SPATA9: variants seen among roughly 807,000 people sequenced by gnomAD.
SPATA9 encodes the protein spermatogenesis associated 9.
Under a neutral mutation model 25.5 loss-of-function variants are expected in SPATA9, and 27 were observed. The observed-to-expected ratio is 1.06, with a 90% CI of 0.78 to 1.46. SPATA9 has a LOEUF of 1.46. Among genes scored for constraint, SPATA9 ranks in the 40% most tolerant of loss-of-function variants. The pLI is 0.00. For synonymous variants in SPATA9, 102 were observed against 105.7 expected, an observed-to-expected ratio of 0.97 and a Z score of 0.21; for missense variants, 282 against 297.5, an observed-to-expected ratio of 0.95 and a Z score of 0.38.
downstream of SPATA9, chr5:95,652,677 G>A: frequency 4.1e-6 from 1 of 242,990 alleles, no homozygotes; most frequent in Non-Finnish European, 7.9e-6. Flanking sequence ...TACCTTTTTA[G>A]TAACATGGAG....
intron 1 of SPATA9, among the ~76,000 whole-genome samples, chr5:95,695,297 T>C (rs1372397478): frequency 6.6e-6 from 1 of 152,208 alleles, no homozygotes; most frequent in African/African-American, 2.4e-5. Context: ...TCAAACTTTT[T>C]AGTCTTAAAA....
downstream of SPATA9, chr5:95,652,285 T>G (rs1750384996): frequency 1.3e-6 from 2 of 1,550,572 alleles, no homozygotes; most frequent in Admixed American, 2.0e-5. Flanking sequence ...TTGAAGTGTT[T>G]CAGGAATTGT....
the SPATA9 span, among the ~76,000 whole-genome samples, chr5:95,729,853 C>T: frequency 6.6e-6 from 1 of 152,188 alleles, no homozygotes; most frequent in Non-Finnish European, 1.5e-5. Flanking sequence ...GAATTTTCTT[C>T]TTTTTTAAAC....
chr5:95,714,969 C>T, the SPATA9 span, among the ~76,000 whole-genome samples: 1 of 152,136 alleles, frequency 6.6e-6, no homozygotes, highest in Non-Finnish European at 1.5e-5. Context: ...AGACTTAATG[C>T]AATCCCAATT....
chr5:95,701,540 A>G (rs1360607335), upstream of SPATA9, among the ~76,000 whole-genome samples: 4 of 152,054 alleles, frequency 2.6e-5, no homozygotes, highest in Non-Finnish European at 1.5e-5. Flanking sequence ...ACTCACTTAA[A>G]TCCAAATCTG....
At chr5:95,654,037 C>T, downstream of SPATA9, 1 of 1,597,954 alleles carries the variant, frequency 6.3e-7, no homozygotes, top group South Asian at 1.1e-5. Context: ...CTTCTTGTAA[C>T]TTTCCTTCTT....
the SPATA9 span, among the ~76,000 whole-genome samples, chr5:95,710,347 T>C: frequency 2.0e-5 from 3 of 152,232 alleles, no homozygotes; most frequent in African/African-American, 7.2e-5. Context: ...AACAGTAAAC[T>C]GATACTGCAG....
intron 2 of SPATA9, among the ~76,000 whole-genome samples, chr5:95,677,422 G>A (rs972055093): frequency 5.3e-5 from 8 of 152,136 alleles, no homozygotes; most frequent in Non-Finnish European, 1.5e-5. Context: ...AAACCACACA[G>A]AAAGTTTTCA....
At chr5:95,723,323 C>G in the SPATA9 span, among the ~76,000 whole-genome samples, 1 of 152,264 alleles carries the variant, frequency 6.6e-6, no homozygotes, top group Non-Finnish European at 1.5e-5. Context: ...ACTCTAGATT[C>G]TCACTTGGAC....
chr5:95,662,489 G>C (rs193185882), intron 4 of SPATA9, among the ~76,000 whole-genome samples: 1 of 152,026 alleles, frequency 6.6e-6, no homozygotes, highest in Non-Finnish European at 1.5e-5. Context: ...TGGGCTCAAG[G>C]TATCCTCCTG....
chr5:95,656,305 C>T, downstream of SPATA9: 2 of 1,599,818 alleles, frequency 1.3e-6, no homozygotes. Flanking sequence ...AAGAGTTCTT[C>T]CTGATAAAAA....
At chr5:95,661,476 C>T (rs539342523) in intron 4 of SPATA9, among the ~76,000 whole-genome samples, 1 of 152,202 alleles carries the variant, frequency 6.6e-6, no homozygotes, top group African/African-American at 2.4e-5. Context: ...TTATAAAGTT[C>T]ATGGCGTGAT....
At chr5:95,703,106 A>C (rs1226014072), upstream of SPATA9, among the ~76,000 whole-genome samples, 1 of 152,214 alleles carries the variant, frequency 6.6e-6, no homozygotes, top group Non-Finnish European at 1.5e-5. Context: ...GCAGGGGAAA[A>C]CAGTATTTGG....
the SPATA9 span, among the ~76,000 whole-genome samples, chr5:95,730,646 T>C: frequency 6.6e-6 from 1 of 152,208 alleles, no homozygotes; most frequent in Non-Finnish European, 1.5e-5. Flanking sequence ...TAAACCCCCA[T>C]ACATAACTTC....
intron 2 of SPATA9, among the ~76,000 whole-genome samples, chr5:95,679,028 C>A (rs1753190482): frequency 6.6e-6 from 1 of 152,206 alleles, no homozygotes; most frequent in Admixed American, 6.5e-5. Context: ...GAAATAGGAA[C>A]TCACAGCTTT....
the SPATA9 span, among the ~76,000 whole-genome samples, chr5:95,719,399 T>C: frequency 6.6e-6 from 1 of 152,124 alleles, no homozygotes; most frequent in African/African-American, 2.4e-5. Context: ...TGGGTAAACC[T>C]AGATGGGTAA....
downstream of SPATA9, chr5:95,656,976 A>T (rs1408034900): frequency 6.6e-6 from 1 of 152,214 alleles, no homozygotes; most frequent in Non-Finnish European, 1.5e-5. Context: ...CTTGAAAATA[A>T]GAAACTTAAC....
At chr5:95,704,398 A>G in the SPATA9 span, among the ~76,000 whole-genome samples, 1 of 152,208 alleles carries the variant, frequency 6.6e-6, no homozygotes, top group Non-Finnish European at 1.5e-5. Flanking sequence ...GGAGATGGCA[A>G]ATCTTTCTGT....
rs1750941478 is a variant in SPATA9 at position 95,658,584 on chromosome 5, A to G, written c.*39T>C. ...TTTTGTCAGATGAAATGTGCCATTA[A>G]ATAGATAACTCTTAAGTTCTGTTCA... On this transcript the variant is annotated 3_prime_UTR_variant, in exon 5 of 5. Coordinates refer to ENST00000274432, the MANE Select transcript of SPATA9 (RefSeq NM_031952.4). 6.4e-7 allele frequency: 1 copy of G among 1,561,882 alleles called. No homozygotes were observed. Among genetic ancestry groups the G allele is most frequent in the Non-Finnish European group, 8.6e-7 (1 of 1,156,454 alleles).
Sources: allele counts gnomAD v4.1 joint callset (sites outside exome capture counted in the v4.1 genomes callset), GRCh38; gene constraint gnomAD v4.1.1; transcripts MANE v1.5; gene names NCBI Gene and HGNC (gene_info 2026-07-23, HGNC 2026-07-21).